FNDC3B: variants seen among roughly 807,000 people sequenced by gnomAD.
FNDC3B encodes the protein fibronectin type III domain-containing protein 3B.
A neutral mutation model predicts 151.5 loss-of-function variants in FNDC3B; 12 were observed. That is an observed-to-expected ratio of 0.08 (90% CI 0.05 to 0.13). The LOEUF (loss-of-function observed/expected upper bound fraction) is 0.13, where lower values mean the gene tolerates loss of function less well. Ranked by LOEUF, FNDC3B falls within the 10% of genes least tolerant of loss-of-function variation. FNDC3B has a pLI of 1.00. For missense variants in FNDC3B, 1,214 were observed against 1,505.3 expected (o/e 0.81, Z 3.20); for synonymous variants, 528 against 549.0 (o/e 0.96, Z 0.54).
chr3:172,317,169 A>C (rs1293398277), intron 11 of FNDC3B: 3 of 445,686 alleles, frequency 6.7e-6, no homozygotes, highest in Non-Finnish European at 1.3e-5. Flanking sequence ...ATTGGGGATT[A>C]ATTTTCTTTT....
chr3:172,182,707 T>C (rs1051887835), intron 3 of FNDC3B, among the ~76,000 whole-genome samples: 11 of 152,226 alleles, frequency 7.2e-5, no homozygotes, highest in African/African-American at 2.7e-4. Flanking sequence ...GTATCCTCCA[T>C]GTTTTTCGTG....
intron 6 of FNDC3B, among the ~76,000 whole-genome samples, chr3:172,270,569 G>T (rs563275403): frequency 1.3e-5 from 2 of 152,274 alleles, no homozygotes; most frequent in East Asian, 3.9e-4. Context: ...AAATGCTTCA[G>T]GGTCAGAGAG....
chr3:172,395,244 T>C (rs1736215278), intron 25 of FNDC3B, among the ~76,000 whole-genome samples: 1 of 152,234 alleles, frequency 6.6e-6, no homozygotes, highest in South Asian at 2.1e-4. Context: ...GCTATTTTTT[T>C]CTTTGTCTGT....
intron 16 of FNDC3B, chr3:172,338,185 G>C (rs1358492211): frequency 6.6e-6 from 1 of 152,104 alleles, no homozygotes; most frequent in Non-Finnish European, 1.5e-5. Flanking sequence ...GTGGTGGCAG[G>C]CACCTGTAGT....
chr3:172,083,406 A>C (rs546997842), intron 1 of FNDC3B, among the ~76,000 whole-genome samples: 2 of 152,346 alleles, frequency 1.3e-5, no homozygotes, highest in Admixed American at 6.5e-5. Flanking sequence ...TGCTGCTTTT[A>C]TAGCATGCAG....
chr3:172,132,103 A>G (rs1721135016), intron 2 of FNDC3B, among the ~76,000 whole-genome samples: 1 of 152,204 alleles, frequency 6.6e-6, no homozygotes, highest in African/African-American at 2.4e-5. Context: ...TAGAACACAT[A>G]GTGGGGGACT....
At chr3:172,203,256 T>A (rs557640883) in intron 3 of FNDC3B, among the ~76,000 whole-genome samples, 6 of 152,374 alleles carry the variant, frequency 3.9e-5, no homozygotes, top group African/African-American at 1.4e-4. Context: ...TGTAATTTCT[T>A]GTTAAAATTT....
chr3:172,072,402 G>T (rs1717824020), intron 1 of FNDC3B, among the ~76,000 whole-genome samples: 1 of 151,540 alleles, frequency 6.6e-6, no homozygotes, highest in Non-Finnish European at 1.5e-5. Context: ...CCTCGTTAGG[G>T]TTGTCAGTGA....
In FNDC3B at chr3:172,352,390, G is replaced by A. The variant is rs1576938654; in HGVS notation, c.2515-413G>A. Among the ~76,000 whole-genome samples the A allele has an allele frequency of 6.6e-6, 1 of 152,072 alleles. No individual in the cohort carries two copies. On this transcript the variant is annotated intron_variant, in intron 21 of 25. Coordinates refer to ENST00000415807, the MANE Select transcript of FNDC3B (RefSeq NM_022763.4). The surrounding 1 kb of genome is among the most constrained non-coding windows in gnomAD (Gnocchi z 4.2). ...TTAAAAGTCAGATGAACCGGATTCC[G>A]GTCCCAGCTTTGCCTCTAAATCTGA...
chr3:172,212,193 A>G (rs1217846173), intron 3 of FNDC3B, among the ~76,000 whole-genome samples: 1 of 152,234 alleles, frequency 6.6e-6, no homozygotes, highest in African/African-American at 2.4e-5. Flanking sequence ...TTGCCAGCTG[A>G]AGCATATTCA....
chr3:172,085,484 A>G, intron 1 of FNDC3B, among the ~76,000 whole-genome samples: 1 of 152,310 alleles, frequency 6.6e-6, no homozygotes, highest in East Asian at 1.9e-4. Context: ...TTGATACCGA[A>G]GCTGAGTTGT....
chr3:172,162,884 T>C (rs952101443), intron 3 of FNDC3B, among the ~76,000 whole-genome samples: 8 of 152,230 alleles, frequency 5.3e-5, no homozygotes, highest in Non-Finnish European at 1.2e-4. Flanking sequence ...ACCACCATGA[T>C]ACCACAGAAA....
chr3:172,324,059 G>A (rs1403331961), intron 11 of FNDC3B, among the ~76,000 whole-genome samples: 1 of 152,186 alleles, frequency 6.6e-6, no homozygotes, highest in African/African-American at 2.4e-5. Flanking sequence ...TGTGGTAAGA[G>A]TTATGATGAC....
intron 23 of FNDC3B, among the ~76,000 whole-genome samples, chr3:172,375,897 A>T (rs796217889): frequency 3.9e-5 from 6 of 152,216 alleles, no homozygotes; most frequent in African/African-American, 9.6e-5. Flanking sequence ...GGAGCTGCCT[A>T]ACTCCGCCTT....
At chr3:172,319,953 C>G (rs1198886964) in intron 11 of FNDC3B, among the ~76,000 whole-genome samples, 1 of 152,188 alleles carries the variant, frequency 6.6e-6, no homozygotes, top group Non-Finnish European at 1.5e-5. Flanking sequence ...AATCCTTCAG[C>G]CCATGTCTGG....
intron 6 of FNDC3B, among the ~76,000 whole-genome samples, chr3:172,263,263 A>G (rs1728746207): frequency 6.6e-6 from 1 of 152,034 alleles, no homozygotes; most frequent in Non-Finnish European, 1.5e-5. Flanking sequence ...CTTAATTCAC[A>G]TGGTGAACTT....
chr3:172,324,714 A>T (rs1732255923), intron 11 of FNDC3B, among the ~76,000 whole-genome samples: 1 of 152,232 alleles, frequency 6.6e-6, no homozygotes. Flanking sequence ...GTAGAAAGTT[A>T]GGCCAGAACT....
chr3:172,295,382 G>A lies in FNDC3B; in HGVS notation c.869G>A (p.Arg290Lys), dbSNP rs371917385. ...EKPQVSNIQA[R>K]AVVLSWAPPV... ...CCTCAGGTTTCTAATATTCAGGCAA[G>A]AGCAGTTGTGTTGTCCTGGGCTCCC... The change falls in exon 8 of 26, where the codon AGA becomes AAA. Residue 290 changes from arginine to lysine, a missense_variant. Transcript: ENST00000415807. 3.7e-6 allele frequency: 6 copies of A among 1,612,672 alleles called. No homozygotes were observed. The African/African-American group carries it at 6.7e-5, about 18-fold the overall frequency.
intron 1 of FNDC3B, among the ~76,000 whole-genome samples, chr3:172,067,723 T>C (rs1282917556): frequency 2.0e-5 from 3 of 152,134 alleles, no homozygotes; most frequent in East Asian, 1.9e-4. Context: ...CCATTAAGAA[T>C]CTTCAGAAGT....
Sources: allele counts gnomAD v4.1 joint callset (sites outside exome capture counted in the v4.1 genomes callset), GRCh38; gene constraint gnomAD v4.1.1; non-coding constraint Gnocchi (gnomAD v3.1); transcripts MANE v1.5; gene names NCBI Gene and HGNC (gene_info 2026-07-23, HGNC 2026-07-21).